The following PTPRG variants were observed in gnomAD, a reference collection of about 807,000 sequenced individuals.
PTPRG encodes the protein protein tyrosine phosphatase receptor type G.
PTPRG carries 102 observed loss-of-function variants against 165.3 expected under a neutral mutation model. The observed-to-expected ratio is 0.62, with a 90% CI of 0.53 to 0.73. The LOEUF (loss-of-function observed/expected upper bound fraction) is 0.73, where lower values mean the gene tolerates loss of function less well. Among genes scored for constraint, PTPRG ranks in the 30% least tolerant of loss-of-function variants. The probability of loss-of-function intolerance (pLI) is 0.00; values close to 1 mark genes in which losing one functional copy is unlikely to be tolerated. For missense variants in PTPRG, 1,866 were observed against 1,861.4 expected (o/e 1.00, Z -0.05); for synonymous variants, 675 against 669.5 (o/e 1.01, Z -0.13).
chr3:61,831,835 A>C (rs2036304093), intron 2 of PTPRG, among the ~76,000 whole-genome samples: 1 of 152,216 alleles, frequency 6.6e-6, no homozygotes, highest in African/African-American at 2.4e-5. Flanking sequence ...TTCAAACTGT[A>C]TATAGATAAA....
intron 10 of PTPRG, among the ~76,000 whole-genome samples, chr3:62,199,380 A>C (rs1028714573): frequency 6.6e-6 from 1 of 152,166 alleles, no homozygotes; most frequent in African/African-American, 2.4e-5. Context: ...GGGCATGTAC[A>C]CATGAGGGGA....
chr3:62,059,954 T>C (rs1293346488), intron 4 of PTPRG, among the ~76,000 whole-genome samples: 2 of 152,178 alleles, frequency 1.3e-5, no homozygotes, highest in South Asian at 2.1e-4. Flanking sequence ...CCAGCTGTAC[T>C]GAACTGTGAG....
intron 2 of PTPRG, among the ~76,000 whole-genome samples, chr3:61,786,560 G>A (rs769597346): frequency 3.3e-5 from 5 of 152,166 alleles, no homozygotes; most frequent in African/African-American, 4.8e-5. Flanking sequence ...TCAACGTAGC[G>A]AAGAGTTAGA....
At chr3:61,904,930 A>G (rs921313603) in intron 2 of PTPRG, among the ~76,000 whole-genome samples, 3 of 151,966 alleles carry the variant, frequency 2.0e-5, no homozygotes, top group Admixed American at 2.0e-4. Flanking sequence ...TTGATGCTCA[A>G]AAGTAATGTT....
rs184496456 is a variant in PTPRG, at chr3:61,807,819, C to A, written c.190+58837C>A. 3.3e-4 allele frequency among the ~76,000 whole-genome samples: 50 copies of A among 152,210 alleles called. 1 individual carries two copies. Among genetic ancestry groups the A allele is most frequent in the Admixed American group, 3.1e-3 (47 of 15,280 alleles). On this transcript the variant is annotated intron_variant, in intron 2 of 29. Transcript: ENST00000474889. ...AGACTATTTATTCCATTCTTATAAG[C>A]AAAGCCCTTCCTTTCCCTCTTGTTC...
intron 2 of PTPRG, among the ~76,000 whole-genome samples, chr3:61,806,117 A>G (rs1026273017): frequency 1.2e-4 from 19 of 152,188 alleles, no homozygotes; most frequent in Admixed American, 1.1e-3. Flanking sequence ...TATACTAAAT[A>G]TAATTTTTTG....
chr3:61,761,666 C>T (rs545872246), intron 2 of PTPRG, among the ~76,000 whole-genome samples: 4 of 152,324 alleles, frequency 2.6e-5, no homozygotes, highest in African/African-American at 9.6e-5. Flanking sequence ...TTCTGCAACC[C>T]ATTTCTTGAA....
intron 4 of PTPRG, among the ~76,000 whole-genome samples, chr3:62,055,462 A>G (rs545401033): frequency 6.6e-6 from 1 of 152,338 alleles, no homozygotes; most frequent in South Asian, 2.1e-4. Flanking sequence ...AACCTCAATA[A>G]CTAGGTGCTT....
At chr3:61,563,930 C>T (rs961219966) in intron 1 of PTPRG, among the ~76,000 whole-genome samples, 6 of 152,032 alleles carry the variant, frequency 3.9e-5, no homozygotes, top group African/African-American at 1.4e-4. Flanking sequence ...GCGCATCCTC[C>T]TGCCCGCGGA....
In PTPRG at chr3:62,255,141, C is replaced by T. The variant is rs1333954965; in HGVS notation, c.2485C>T (p.Pro829Ser). ...IPIPDDMEAI[P>S]VKQFVKHIGE... ...CCCCCCAGATGACATGGAAGCCATT[C>T]CTGTCAAACAGTTTGTCAAACACAT... Residue 829 changes from proline (P) to serine (S), a missense_variant, in exon 16 of 30, where the codon CCT becomes TCT. Transcript: ENST00000474889. This position sits in a 1 kb window ranked among gnomAD's most constrained non-coding sequence, Gnocchi z 4.0. The T allele has an allele frequency of 6.2e-7, 1 of 1,612,602 alleles. No individual in the cohort carries two copies.
rs1457543125 is a variant in PTPRG, at chr3:62,190,193, AT to A, written c.1034-1271del. 6.6e-6 allele frequency among the ~76,000 whole-genome samples: 1 copy of A among 152,050 alleles called. No individual in the cohort carries two copies. Among genetic ancestry groups the A allele is most frequent in the Non-Finnish European group, 1.5e-5 (1 of 68,016 alleles). On this transcript the variant is annotated intron_variant, in intron 8 of 29. Transcript: ENST00000474889. This position sits in a 1 kb window ranked among gnomAD's most constrained non-coding sequence, Gnocchi z 5.2. ...GCAACCTTTGGCAACACCTGGAGAC[AT>A]TTTTGGTTGTCACAAGTTGAGGACG...
At chr3:61,607,587 A>G (rs1050449183) in intron 1 of PTPRG, among the ~76,000 whole-genome samples, 3 of 152,118 alleles carry the variant, frequency 2.0e-5, no homozygotes, top group African/African-American at 7.2e-5. Flanking sequence ...TGGTAGAGGG[A>G]AGGTCTGAGC....
chr3:62,261,208 T>C (rs1701687971), intron 16 of PTPRG: 1 of 152,180 alleles, frequency 6.6e-6, no homozygotes, highest in Non-Finnish European at 1.5e-5. Context: ...AAGAAGTACA[T>C]GCCAAAGGTG....
At chr3:61,947,092 C>G (rs1038836704) in intron 2 of PTPRG, among the ~76,000 whole-genome samples, 1 of 152,080 alleles carries the variant, frequency 6.6e-6, no homozygotes, top group Admixed American at 6.5e-5. Context: ...CAAAGTGGAC[C>G]GACCAGGGTG....
intron 6 of PTPRG, among the ~76,000 whole-genome samples, chr3:62,138,935 T>C (rs566918664): frequency 1.3e-5 from 2 of 152,298 alleles, no homozygotes; most frequent in Admixed American, 1.3e-4. Context: ...ACACATATAC[T>C]GTGAAAAGAC....
chr3:62,131,600 AATACT>A (rs1703516577), intron 5 of PTPRG, among the ~76,000 whole-genome samples: 1 of 152,210 alleles, frequency 6.6e-6, no homozygotes. Flanking sequence ...ATTAGATATA[AATACT>A]ATCAATGGGG....
At position 61,562,289 on chromosome 3, in the gene PTPRG, T is replaced by TG. The variant is rs1699776377; in HGVS notation, c.3dup (p.Arg2_?1). On this transcript the variant is annotated frameshift_variant and start_lost, in exon 1 of 30. Transcript: ENST00000474889. LOFTEE classifies it high-confidence loss of function. ...TCTTTTCGATGTGCGTTTTCGGACA[T>TG]GCGGAGGTTACTGGAACCGTGTTGG... is the stretch of plus-strand genomic sequence containing the variant. 2 of 1,613,490 alleles carry TG rather than the reference T, an allele frequency of 1.2e-6. No individual in the cohort carries two copies. Among genetic ancestry groups the TG allele is most frequent in the East Asian group, 2.2e-5 (1 of 44,816 alleles).
intron 2 of PTPRG, among the ~76,000 whole-genome samples, chr3:61,989,166 C>G (rs747160736): frequency 1.3e-5 from 2 of 152,176 alleles, no homozygotes; most frequent in Non-Finnish European, 2.9e-5. Context: ...ATCTAGTTTT[C>G]TGTTGCCTTT....
intron 4 of PTPRG, among the ~76,000 whole-genome samples, chr3:62,075,529 A>G (rs1328694779): frequency 1.3e-5 from 2 of 152,228 alleles, no homozygotes; most frequent in Admixed American, 1.3e-4. Context: ...CAGTCTTAGG[A>G]AAAAGAATTA....
Sources: allele counts gnomAD v4.1 joint callset (sites outside exome capture counted in the v4.1 genomes callset), GRCh38; gene constraint gnomAD v4.1.1; non-coding constraint Gnocchi (gnomAD v3.1); transcripts MANE v1.5; gene names NCBI Gene and HGNC (gene_info 2026-07-23, HGNC 2026-07-21).